NRL: variants seen among roughly 807,000 people sequenced by gnomAD.
NRL encodes neural retina-specific leucine zipper protein.
NRL carries 16 observed loss-of-function variants against 12.5 expected under a neutral mutation model. That is an observed-to-expected ratio of 1.28 (90% CI 0.87 to 1.95). The LOEUF (loss-of-function observed/expected upper bound fraction) is 1.95, where lower values mean the gene tolerates loss of function less well. Among genes scored for constraint, NRL ranks in the 30% most tolerant of loss-of-function variants. The pLI is 0.00. For missense variants in NRL, 314 were observed against 325.8 expected (o/e 0.96, Z 0.28); for synonymous variants, 142 against 150.9 (o/e 0.94, Z 0.43).
intron 1 of NRL, among the ~76,000 whole-genome samples, chr14:24,106,487 G>A (rs375565149): frequency 1.5e-4 from 23 of 152,238 alleles, no homozygotes; most frequent in African/African-American, 5.1e-4. Flanking sequence ...TTGGGAGGCC[G>A]AGGTGGGCAG....
intron 1 of NRL, among the ~76,000 whole-genome samples, chr14:24,090,143 G>T (rs896336623): frequency 6.6e-6 from 1 of 151,896 alleles, no homozygotes; most frequent in Non-Finnish European, 1.5e-5. Context: ...TGTTTGTGGA[G>T]GAAGGCAACA....
At chr14:24,089,556 T>C (rs1282849576) in intron 1 of NRL, among the ~76,000 whole-genome samples, 1 of 152,216 alleles carries the variant, frequency 6.6e-6, no homozygotes, top group Non-Finnish European at 1.5e-5. Context: ...CCATTTTAAA[T>C]ATTTAAACAC....
At chr14:24,099,037 C>T in intron 1 of NRL, 1 of 1,591,322 alleles carries the variant, frequency 6.3e-7, no homozygotes, top group Non-Finnish European at 8.6e-7. Context: ...CCCATGACCC[C>T]ATTGTCCCCA....
intron 1 of NRL, among the ~76,000 whole-genome samples, chr14:24,106,849 A>G (rs1478873915): frequency 6.6e-6 from 1 of 152,236 alleles, no homozygotes; most frequent in East Asian, 1.9e-4. Context: ...ACAGGTATTA[A>G]ACACATAGTA....
chr14:24,104,898 C>A (rs185329747), intron 1 of NRL, among the ~76,000 whole-genome samples: 2 of 152,284 alleles, frequency 1.3e-5, no homozygotes, highest in East Asian at 3.9e-4. Context: ...TTCTGTGGCA[C>A]CTTCTTTATG....
At chr14:24,098,455 G>C (rs114584291) in intron 1 of NRL, 22 of 1,613,784 alleles carry the variant, frequency 1.4e-5, no homozygotes, top group Non-Finnish European at 1.9e-5. Flanking sequence ...CCTTCATCCA[G>C]GGGATGCCTT....
intron 1 of NRL, among the ~76,000 whole-genome samples, chr14:24,096,418 T>C (rs139247911): frequency 6.6e-6 from 1 of 152,066 alleles, no homozygotes. Flanking sequence ...TTTATATTTT[T>C]AGTAGATGGG....
chr14:24,103,010 T>C (rs897371703), intron 1 of NRL: 12 of 1,279,516 alleles, frequency 9.4e-6, no homozygotes, highest in Non-Finnish European at 1.3e-5. Flanking sequence ...AGTTCTCCCC[T>C]GGTGAATGCA....
intron 1 of NRL, chr14:24,100,248 A>G (rs1490523809): frequency 3.7e-6 from 6 of 1,610,666 alleles, no homozygotes; most frequent in Non-Finnish European, 5.1e-6. Flanking sequence ...CACAGCCTCC[A>G]GGCCTCAGCA....
At position 24,106,834 on chromosome 14, in the gene NRL, A is replaced by T. The variant is rs528364107; in HGVS notation, c.-28+7888T>A. Among the ~76,000 whole-genome samples the T allele has an allele frequency of 3.3e-5, 5 of 152,358 alleles. No individual in the cohort carries two copies. The East Asian group carries it at 9.6e-4, about 29-fold the overall frequency. Reference sequence around the variant, plus strand: ...ATAACTGAATACCGTCAAAAGCAACATAGCACAGGTATTAAACACATAGTA... The same window carrying T: ...ATAACTGAATACCGTCAAAAGCAACTTAGCACAGGTATTAAACACATAGTA... On this transcript the variant is annotated intron_variant, in intron 1 of 2. Coordinates refer to ENST00000561028, the MANE Select transcript of NRL (RefSeq NM_001354768.3).
At chr14:24,102,397 A>G in intron 1 of NRL, among the ~76,000 whole-genome samples, 1 of 152,210 alleles carries the variant, frequency 6.6e-6, no homozygotes, top group East Asian at 1.9e-4. Context: ...AAATAATGAA[A>G]TAGTTTCTGG....
intron 1 of NRL, chr14:24,084,766 G>C: frequency 1.1e-6 from 1 of 925,024 alleles, no homozygotes; most frequent in Non-Finnish European, 1.3e-6. Flanking sequence ...GGGAAATGGA[G>C]AGAGAGGAGA....
In NRL at chr14:24,099,646, T is replaced by G; in HGVS notation, c.-28+15076A>C. 1.9e-6 allele frequency: 3 copies of G among 1,614,094 alleles called. No homozygotes were observed. The South Asian group carries it at 3.3e-5, about 18-fold the overall frequency. The stretch of plus-strand genomic sequence containing the variant: ...TGTGGCAAGACCAACCTGGCTATGA[T>G]GCGGCCTGCACTGCCAGGCTGGAAA... On this transcript the variant is annotated intron_variant, in intron 1 of 2. Transcript: ENST00000561028.
intron 1 of NRL, among the ~76,000 whole-genome samples, chr14:24,092,270 G>C (rs1481294297): frequency 6.6e-6 from 1 of 152,214 alleles, no homozygotes; most frequent in African/African-American, 2.4e-5. Flanking sequence ...GAAGCCAGGT[G>C]AGAGATAAGC....
At chr14:24,083,883 G>A (rs1227272327) in intron 1 of NRL, among the ~76,000 whole-genome samples, 2 of 152,156 alleles carry the variant, frequency 1.3e-5, no homozygotes, top group East Asian at 3.8e-4. Flanking sequence ...TGTCACCAAG[G>A]AACTCTCCTG....
intron 1 of NRL, chr14:24,098,979 G>T: frequency 8.1e-7 from 1 of 1,229,614 alleles, no homozygotes; most frequent in African/African-American, 1.5e-5. Flanking sequence ...GCCAATCCCT[G>T]ATCCCTCTGG....
chr14:24,105,998 G>A (rs184044259), intron 1 of NRL, among the ~76,000 whole-genome samples: 15 of 152,336 alleles, frequency 9.8e-5, no homozygotes, highest in Admixed American at 7.8e-4. Flanking sequence ...AATGCAGATT[G>A]TCACTCAGCA....
intron 1 of NRL, chr14:24,100,112 T>C (rs1451761636): frequency 1.2e-6 from 2 of 1,612,914 alleles, no homozygotes; most frequent in East Asian, 2.2e-5. Context: ...TTTACCAATG[T>C]GGCTGAGACC....
chr14:24,089,255 CT>C (rs916639216), intron 1 of NRL, among the ~76,000 whole-genome samples: 9 of 147,822 alleles, frequency 6.1e-5, no homozygotes, highest in African/African-American at 9.9e-5. Context: ...ACATTTTAAT[CT>C]TTTTTTTTTG....
Sources: gnomAD v4.1 joint callset for allele counts (sites outside exome capture counted in the v4.1 genomes callset) on GRCh38, gnomAD v4.1.1 for gene constraint, MANE v1.5 for transcripts, NCBI Gene and HGNC (gene_info 2026-07-23, HGNC 2026-07-21) for gene names.